Variants in ALOX12 observed in about 807,000 individuals in gnomAD.
ALOX12 encodes polyunsaturated fatty acid lipoxygenase ALOX12.
ALOX12 carries 62 observed loss-of-function variants against 85.5 expected under a neutral mutation model. The observed-to-expected ratio is 0.73, with a 90% CI of 0.59 to 0.90. The LOEUF (loss-of-function observed/expected upper bound fraction) is 0.90, where lower values mean the gene tolerates loss of function less well. Ranked by LOEUF, ALOX12 falls within the 40% of genes least tolerant of loss-of-function variation. The pLI, the probability that ALOX12 is intolerant of heterozygous loss-of-function variation, is 0.00. For missense variants in ALOX12, 751 were observed against 856.5 expected, an observed-to-expected ratio of 0.88 and a Z score of 1.54; for synonymous variants, 299 against 332.7, an observed-to-expected ratio of 0.90 and a Z score of 1.10.
intron 11 of ALOX12, among the ~76,000 whole-genome samples, chr17:7,008,467 A>C (rs1022414535): frequency 3.9e-5 from 6 of 152,130 alleles, no homozygotes; most frequent in Non-Finnish European, 7.4e-5. Context: ...TATTTATTCC[A>C]CTTAACTGAT....
chr17:7,010,203 G>A (rs984687823), intron 13 of ALOX12, 41 bp from the exon 14 acceptor site: 45 of 1,601,934 alleles, frequency 2.8e-5, no homozygotes, highest in Non-Finnish European at 3.6e-5. Flanking sequence ...CTCTAGGTGC[G>A]TTTGTCTTTA....
intron 8 of ALOX12, among the ~76,000 whole-genome samples, chr17:7,004,127 TTAAA>T (rs1395949470): frequency 3.7e-5 from 5 of 136,616 alleles, no homozygotes; most frequent in East Asian, 4.2e-4. Context: ...AATTTTAATT[TTAAA>T]TAAATAATTA....
chr17:7,000,371 G>C lies in ALOX12; in HGVS notation c.843G>C (p.Leu281=), dbSNP rs1908651405. ...GSLFEADFIL[L]DGIPANVIRG... is the part of the protein sequence containing the mutation. Reference sequence around the variant, plus strand: ...TGTTTGAAGCTGACTTCATCCTTCTGGATGGAATTCCAGCCAACGTGATCC... The same window carrying C: ...TGTTTGAAGCTGACTTCATCCTTCTCGATGGAATTCCAGCCAACGTGATCC... The change falls in exon 7 of 14, where the codon CTG becomes CTC. Residue 281 remains leucine, a synonymous_variant. Coordinates refer to ENST00000251535, the MANE Select transcript of ALOX12 (RefSeq NM_000697.3). The surrounding 1 kb of genome is among the most constrained non-coding windows in gnomAD (Gnocchi z 4.6). The C allele has an allele frequency of 1.2e-6, 2 of 1,614,138 alleles. No individual in the cohort carries two copies. Among genetic ancestry groups the C allele is most frequent in the Admixed American group, 3.3e-5 (2 of 60,012 alleles).
chr17:7,000,136 A>T lies in ALOX12; in HGVS notation c.808-200A>T, dbSNP rs1394808353. On this transcript the variant is annotated intron_variant, in intron 6 of 13. Transcript: ENST00000251535. The surrounding 1 kb of genome is among the most constrained non-coding windows in gnomAD (Gnocchi z 4.6). The stretch of plus-strand genomic sequence containing the variant: ...CCCAGATCTGCCACCACATCCACAC[A>T]CAAGACATCTACCCTCACCAGACTG... Among the ~76,000 whole-genome samples, 1 of 152,142 alleles carries T rather than the reference A, an allele frequency of 6.6e-6. No homozygotes were observed. The highest frequency in any genetic ancestry group is 2.4e-5 in the African/African-American group (1 of 41,424).
At position 7,006,740 on chromosome 17, in the gene ALOX12, G is replaced by C; in HGVS notation, c.1540+133G>C. 2.4e-6 allele frequency: 3 copies of C among 1,244,490 alleles called. No individual in the cohort carries two copies. In the Admixed American group the frequency reaches 8.9e-5, roughly 37 times the overall value. The allele number at this position is 1,244,490 out of a possible 1,614,324, so 77.1% of individuals were successfully genotyped here. ...TTCCTCCCTCCACACGGGAAAGCAT[G>C]TGTATCCCATTCCCACCTCCTCCGA... On this transcript the variant is annotated intron_variant, in intron 11 of 13. Transcript: ENST00000251535.
Position 6,996,085 on chromosome 17 carries a change from C to G in ALOX12, c.-33C>G, listed in dbSNP as rs1229396680. The G allele has an allele frequency of 4.0e-6, 5 of 1,243,058 alleles. No individual in the cohort carries two copies. In the African/African-American group the frequency reaches 7.8e-5, roughly 19 times the overall value. The allele number at this position is 1,243,058 out of a possible 1,614,324, so 77.0% of individuals were successfully genotyped here. A position where few individuals can be genotyped will look rare whatever the true frequency, so the allele number is the denominator to read the frequency against. The stretch of plus-strand genomic sequence containing the variant: ...GCGGTCCCGGGAATCGCACAGGACC[C>G]GGCTCCCCTCGCCTAAGCTGCTGGG... On this transcript the variant is annotated 5_prime_UTR_variant, in exon 1 of 14. Coordinates refer to ENST00000251535, the MANE Select transcript of ALOX12 (RefSeq NM_000697.3).
intron 8 of ALOX12, among the ~76,000 whole-genome samples, chr17:7,002,956 C>G (rs2151641890): frequency 6.6e-6 from 1 of 152,242 alleles, no homozygotes; most frequent in East Asian, 1.9e-4. Context: ...AGCTGGGGGC[C>G]TCCACCAAGA....
In ALOX12 at chr17:7,001,780, G is replaced by A. The variant is rs138098217; in HGVS notation, c.1130G>A (p.Arg377Gln). The change falls in exon 8 of 14, where the codon CGG becomes CAG. Residue 377 changes from arginine to glutamine, a missense_variant. Arg to Gln is a conservative substitution (Grantham distance 43, BLOSUM62 1). Coordinates refer to ENST00000251535, the MANE Select transcript of ALOX12 (RefSeq NM_000697.3). ...VAEVIAVATM[R>Q]CLPGLHPIFK... The stretch of plus-strand genomic sequence containing the variant: ...GAGGTCATCGCTGTCGCCACCATGC[G>A]GTGCCTCCCAGGACTGCACCCCATC... 6.8e-6 allele frequency: 11 copies of A among 1,613,938 alleles called. No homozygotes were observed. Among genetic ancestry groups the A allele is most frequent in the South Asian group, 3.3e-5 (3 of 91,082 alleles).
At chr17:7,009,612 C>T (rs944094773) in intron 11 of ALOX12, 135 bp from the exon 12 acceptor site, 8 of 784,098 alleles carry the variant, frequency 1.0e-5, no homozygotes, top group Admixed American at 7.1e-5. Context: ...AGGACTTAAA[C>T]GCATGTCTGA....
At chr17:6,999,959 A>G (rs1908629733) in intron 6 of ALOX12, among the ~76,000 whole-genome samples, 1 of 152,182 alleles carries the variant, frequency 6.6e-6, no homozygotes. Flanking sequence ...TGAGATTTGA[A>G]TAGGGAATGA....
At chr17:7,006,706 A>G in intron 11 of ALOX12, 99 bp downstream of exon 11, 1 of 1,439,690 alleles carries the variant, frequency 6.9e-7, no homozygotes, top group South Asian at 1.4e-5. Context: ...GCCTCTCATC[A>G]CGCCTCCCTT....
At position 7,005,256 on chromosome 17, in the gene ALOX12, G is replaced by C; in HGVS notation, c.1162-1G>C. On this transcript the variant is annotated splice_acceptor_variant, in intron 8 of 13. Transcript: ENST00000251535. LOFTEE classifies it high-confidence loss of function. ...ACGCCCTCCAATCTCCTCCTCTCCAGTTCCTGATCCCCCATATCCGCTACA... is the reference window on the plus strand; with the variant it reads ...ACGCCCTCCAATCTCCTCCTCTCCACTTCCTGATCCCCCATATCCGCTACA... 1 of 1,613,232 alleles carries C rather than the reference G, an allele frequency of 6.2e-7. No homozygotes were observed. The highest frequency in any genetic ancestry group is 8.5e-7 in the Non-Finnish European group (1 of 1,179,278).
At chr17:6,997,891 G>T (rs765558082) in intron 2 of ALOX12, among the ~76,000 whole-genome samples, 3 of 152,046 alleles carry the variant, frequency 2.0e-5, no homozygotes, top group Non-Finnish European at 4.4e-5. Flanking sequence ...TGGGTAATGA[G>T]TAAAAGAGAG....
intron 11 of ALOX12, chr17:7,009,440 C>A (rs1022591104): frequency 2.1e-5 from 6 of 284,732 alleles, no homozygotes; most frequent in African/African-American, 1.3e-4. Context: ...CCTTCCATAA[C>A]AATAATTATT....
At chr17:7,001,482 C>T in intron 7 of ALOX12, 120 bp from the exon 8 acceptor site, 1 of 1,078,178 alleles carries the variant, frequency 9.3e-7, no homozygotes, top group Admixed American at 2.0e-5. Flanking sequence ...TCACAGTCCT[C>T]CTGCTAGACT....
intron 11 of ALOX12, among the ~76,000 whole-genome samples, 172 bp downstream of exon 11, chr17:7,006,779 TAG>T (rs1909108420): frequency 6.6e-6 from 1 of 152,016 alleles, no homozygotes; most frequent in African/African-American, 2.4e-5. Flanking sequence ...AGGACAATTC[TAG>T]AGACCCAAGG....
rs746121469 is a variant in ALOX12, at chr17:6,996,924, C to T, written c.234C>T (p.Cys78=). 3 of 1,611,284 alleles carry T rather than the reference C, an allele frequency of 1.9e-6. No individual in the cohort carries two copies. The highest frequency in any genetic ancestry group is 2.5e-6 in the Non-Finnish European group (3 of 1,178,774). The change falls in exon 2 of 14, where the codon TGC becomes TGT. Residue 78 remains cysteine (C), a synonymous_variant. Transcript: ENST00000251535. ...HHWLVDDAWF[C]DRITVQGPGA... is the part of the protein sequence containing the mutation. ...GGCTGGTGGACGACGCGTGGTTCTG[C>T]GACCGCATCACGGTGCAGGGCCCTG...
rs1339400461 is a variant in ALOX12 at position 7,001,803 on chromosome 17, A to C, written c.1153A>C (p.Ile385Leu). 4.3e-6 allele frequency: 7 copies of C among 1,613,690 alleles called. No homozygotes were observed. The highest frequency in any genetic ancestry group is 1.7e-6 in the Non-Finnish European group (2 of 1,179,712). Reference sequence around the variant, plus strand: ...GCGGTGCCTCCCAGGACTGCACCCCATCTTCAAGGTACTTATTAATCTATT... The same window carrying C: ...GCGGTGCCTCCCAGGACTGCACCCCCTCTTCAAGGTACTTATTAATCTATT... ...TMRCLPGLHPIFKFLIPHIRY... is the reference protein window; with the variant it reads ...TMRCLPGLHPLFKFLIPHIRY... The change falls in exon 8 of 14, where the codon ATC becomes CTC. Residue 385 changes from isoleucine (I) to leucine (L), a missense_variant. Transcript: ENST00000251535.
chr17:7,005,037 TGAG>T (rs1908967540), intron 8 of ALOX12, among the ~76,000 whole-genome samples: 1 of 151,112 alleles, frequency 6.6e-6, no homozygotes, highest in Admixed American at 6.7e-5. Flanking sequence ...AAGTCTCAAA[TGAG>T]GAGTAAAGTG....
Sources: allele counts gnomAD v4.1 joint callset (sites outside exome capture counted in the v4.1 genomes callset), GRCh38; gene constraint gnomAD v4.1.1; non-coding constraint Gnocchi (gnomAD v3.1); transcripts MANE v1.5; gene names NCBI Gene and HGNC (gene_info 2026-07-23, HGNC 2026-07-21).